The following KANK1 variants were observed in gnomAD, a reference collection of about 807,000 sequenced individuals.
KANK1 encodes KN motif and ankyrin repeat domain-containing protein 1.
A neutral mutation model predicts 106.2 loss-of-function variants in KANK1; 109 were observed. That is an observed-to-expected ratio of 1.03 (90% confidence interval 0.88 to 1.20). The LOEUF is 1.20. Among genes scored for constraint, KANK1 ranks in the 50% most tolerant of loss-of-function variants. The probability of loss-of-function intolerance (pLI) is 0.00; values close to 1 mark genes in which losing one functional copy is unlikely to be tolerated. For synonymous variants in KANK1, 873 were observed against 652.2 expected, an observed-to-expected ratio of 1.34 and a Z score of -5.16; for missense variants, 2,399 against 1,710.7, an observed-to-expected ratio of 1.40 and a Z score of -7.10.
At chr9:656,241 T>G (rs1054296609) in intron 1 of KANK1, among the ~76,000 whole-genome samples, 1 of 149,134 alleles carries the variant, frequency 6.7e-6, no homozygotes, top group Non-Finnish European at 1.5e-5. Flanking sequence ...AGTTGAGACC[T>G]TGCTGTCAGA....
Position 728,560 on chromosome 9 carries a change from G to T in KANK1, c.2699-1491G>T, listed in dbSNP as rs565875089. Among the ~76,000 whole-genome samples the T allele has an allele frequency of 2.0e-5, 3 of 152,312 alleles. No individual in the cohort carries two copies. In the South Asian group the frequency reaches 6.2e-4, roughly 32 times the overall value. Reference sequence around the variant, plus strand: ...CTCTTGTGGGGAATATCTACATTATGTAGTGAATCCCCTTACCTGTCCAGG... The same window carrying T: ...CTCTTGTGGGGAATATCTACATTATTTAGTGAATCCCCTTACCTGTCCAGG... On this transcript the variant is annotated intron_variant, in intron 3 of 11. Coordinates refer to ENST00000382297, the MANE Select transcript of KANK1 (RefSeq NM_015158.5).
rs190585718 is a variant in KANK1 at position 517,946 on chromosome 9, C to T, written c.-84+13192C>T. Among the ~76,000 whole-genome samples, 33 of 151,350 alleles carry T rather than the reference C, an allele frequency of 2.2e-4. 1 individual carries two copies. In the East Asian group the frequency reaches 4.3e-3, roughly 20 times the overall value. On this transcript the variant is annotated intron_variant, in intron 1 of 11. Coordinates refer to ENST00000382297, the MANE Select transcript of KANK1 (RefSeq NM_015158.5). ...AGAGATGGAGTTTCACATTATTGGC[C>T]GGGCTGGTCTTGAACTCCTGACCTC...
At chr9:482,333 G>A (rs182421378) in intron 3 of KANK1, among the ~76,000 whole-genome samples, 83 of 152,212 alleles carry the variant, frequency 5.5e-4, no homozygotes, top group Non-Finnish European at 8.1e-4. Flanking sequence ...AACTATTTTC[G>A]GATTCGAATT....
At chr9:516,575 T>C (rs944475276) in intron 1 of KANK1, among the ~76,000 whole-genome samples, 1 of 151,574 alleles carries the variant, frequency 6.6e-6, no homozygotes, top group Non-Finnish European at 1.5e-5. Context: ...GTTTTGGCTG[T>C]AGAGTGGGAT....
At chr9:612,872 A>G (rs1265962446) in intron 1 of KANK1, among the ~76,000 whole-genome samples, 3 of 152,212 alleles carry the variant, frequency 2.0e-5, no homozygotes, top group Non-Finnish European at 4.4e-5. Context: ...TAAGAGTCAT[A>G]TAAGACACAA....
chr9:472,217 C>T (rs145258913), intron 2 of KANK1, among the ~76,000 whole-genome samples: 28 of 152,322 alleles, frequency 1.8e-4, no homozygotes, highest in African/African-American at 5.3e-4. Flanking sequence ...TCTGAGTGAC[C>T]AGTTTCCCTG....
chr9:591,585 C>G (rs898562108), intron 1 of KANK1, among the ~76,000 whole-genome samples: 1 of 151,850 alleles, frequency 6.6e-6, no homozygotes. Context: ...CCCTGAAATT[C>G]TGCAGGTGCA....
chr9:473,852 A>T (rs1221155259), intron 3 of KANK1, among the ~76,000 whole-genome samples: 2 of 152,138 alleles, frequency 1.3e-5, no homozygotes, highest in Admixed American at 6.5e-5. Flanking sequence ...GGCATGTGCC[A>T]CCACACCTAG....
chr9:622,721 G>C (rs1036459317), intron 1 of KANK1, among the ~76,000 whole-genome samples: 11 of 152,020 alleles, frequency 7.2e-5, no homozygotes, highest in African/African-American at 2.4e-4. Flanking sequence ...GGCCAACATA[G>C]TGAAACCCCA....
At chr9:717,630 A>G (rs1020574665) in intron 3 of KANK1, among the ~76,000 whole-genome samples, 8 of 152,272 alleles carry the variant, frequency 5.3e-5, no homozygotes, top group African/African-American at 1.4e-4. Context: ...TTTCTTTTAT[A>G]AAATAAAAAA....
At chr9:702,976 G>A (rs939846506) in intron 2 of KANK1, among the ~76,000 whole-genome samples, 7 of 151,988 alleles carry the variant, frequency 4.6e-5, no homozygotes, top group Admixed American at 1.3e-4. Flanking sequence ...GTTTTTTGGA[G>A]TGGGGGCGGG....
chr9:689,503 G>A (rs756640545), intron 2 of KANK1, among the ~76,000 whole-genome samples: 15 of 152,140 alleles, frequency 9.9e-5, no homozygotes, highest in Non-Finnish European at 1.8e-4. Flanking sequence ...GCATGTAAAG[G>A]AGGAGTCCTC....
At chr9:548,680 A>G (rs1459306368) in intron 1 of KANK1, among the ~76,000 whole-genome samples, 1 of 152,252 alleles carries the variant, frequency 6.6e-6, no homozygotes, top group African/African-American at 2.4e-5. Context: ...GAAAGGATAT[A>G]CTAAAATGTT....
intron 1 of KANK1, among the ~76,000 whole-genome samples, chr9:599,653 G>T (rs779254166): frequency 1.3e-5 from 2 of 151,770 alleles, no homozygotes; most frequent in Non-Finnish European, 2.9e-5. Context: ...CCACTTATAT[G>T]CAGGTCCACG....
intron 3 of KANK1, chr9:495,696 A>G (rs1403974667): frequency 6.6e-6 from 1 of 152,086 alleles, no homozygotes; most frequent in African/African-American, 2.4e-5. Context: ...CCTCCCCGCA[A>G]TGCCTTGCCT....
chr9:575,702 G>T (rs1360394083), intron 1 of KANK1, among the ~76,000 whole-genome samples: 1 of 151,420 alleles, frequency 6.6e-6, no homozygotes, highest in Non-Finnish European at 1.5e-5. Context: ...TAGTGTTCTA[G>T]TTAATAGCAA....
chr9:621,315 T>C (rs533432107), intron 1 of KANK1, among the ~76,000 whole-genome samples: 76 of 152,318 alleles, frequency 5.0e-4, no homozygotes, highest in African/African-American at 1.8e-3. Context: ...TTTGGCCTTA[T>C]GAAGCATTGC....
intron 1 of KANK1, among the ~76,000 whole-genome samples, chr9:670,860 G>T (rs1317578605): frequency 1.3e-5 from 2 of 151,502 alleles, no homozygotes; most frequent in African/African-American, 4.8e-5. Context: ...AATCTGAGTT[G>T]GGGGAAGTTT....
chr9:526,815 C>T (rs953115197), intron 1 of KANK1, among the ~76,000 whole-genome samples: 4 of 151,606 alleles, frequency 2.6e-5, no homozygotes, highest in African/African-American at 9.8e-5. Flanking sequence ...CTTATCATGT[C>T]ATTTCTTGAT....
Sources: gnomAD v4.1 joint callset for allele counts (sites outside exome capture counted in the v4.1 genomes callset) on GRCh38, gnomAD v4.1.1 for gene constraint, MANE v1.5 for transcripts, NCBI Gene and HGNC (gene_info 2026-07-23, HGNC 2026-07-21) for gene names.